Variants in MIPEP observed in about 807,000 individuals in gnomAD.
The protein encoded by MIPEP is mitochondrial intermediate peptidase.
A neutral mutation model predicts 90.3 loss-of-function variants in MIPEP; 79 were observed. That is an observed-to-expected ratio of 0.87 (90% CI 0.73 to 1.05). MIPEP has a LOEUF of 1.05. MIPEP is among the 50% of genes least tolerant of loss of function. The probability of loss-of-function intolerance (pLI) is 0.00; values close to 1 mark genes in which losing one functional copy is unlikely to be tolerated. For synonymous variants in MIPEP, 334 were observed against 315.8 expected (o/e 1.06, Z -0.61); for missense variants, 940 against 905.6 (o/e 1.04, Z -0.49).
intron 4 of MIPEP, among the ~76,000 whole-genome samples, chr13:23,876,306 G>A (rs911392464): frequency 6.6e-6 from 1 of 152,194 alleles, no homozygotes; most frequent in Non-Finnish European, 1.5e-5. Flanking sequence ...CAGGTACAGA[G>A]CAGAGCACTT....
At chr13:23,836,501 A>G (rs1217163954) in intron 13 of MIPEP, 152 bp from the exon 14 acceptor site, 2 of 490,354 alleles carry the variant, frequency 4.1e-6, no homozygotes, top group Non-Finnish European at 3.5e-6. Flanking sequence ...TTTATTGTAC[A>G]TATTTGCAGA....
intron 18 of MIPEP, among the ~76,000 whole-genome samples, chr13:23,734,733 G>A (rs9553041): frequency 0.18 from 27,921 of 151,812 alleles, 3,104 homozygotes; most frequent in East Asian, 0.42. Context: ...CCCATTCGAC[G>A]CCCCTTTCCA....
At chr13:23,765,944 C>G (rs1486619033) in intron 16 of MIPEP, 1 of 152,092 alleles carries the variant, frequency 6.6e-6, no homozygotes, top group African/African-American at 2.4e-5. Flanking sequence ...AATACATTGA[C>G]TATATACCAA....
chr13:23,865,868 A>G (rs896730149), intron 7 of MIPEP, among the ~76,000 whole-genome samples: 1 of 151,976 alleles, frequency 6.6e-6, no homozygotes, highest in Non-Finnish European at 1.5e-5. Context: ...ATGGGGTTTC[A>G]CCATGTTGGC....
In MIPEP at chr13:23,848,922, G is replaced by C. The variant is rs61945108; in HGVS notation, c.1107-7434C>G. Among the ~76,000 whole-genome samples, 1,206 of 152,300 alleles carry C rather than the reference G, an allele frequency of 7.9e-3. 12 individuals are homozygous for C. Among genetic ancestry groups the C allele is most frequent in the Non-Finnish European group, 0.014 (967 of 68,024 alleles). On this transcript the variant is annotated intron_variant, in intron 10 of 18. Coordinates refer to ENST00000382172, the MANE Select transcript of MIPEP (RefSeq NM_005932.4). ...GTGGAAGAGATTCAAAAAGCTACAGGGTGTTTCCCGCAGCTCCAACCCACA... is the reference window on the plus strand; with the variant it reads ...GTGGAAGAGATTCAAAAAGCTACAGCGTGTTTCCCGCAGCTCCAACCCACA...
At chr13:23,828,235 G>A (rs1593176874) in intron 14 of MIPEP, among the ~76,000 whole-genome samples, 2 of 152,104 alleles carry the variant, frequency 1.3e-5, no homozygotes, top group South Asian at 2.1e-4. Context: ...CTTTCTTTAC[G>A]GTGACGTATT....
intron 14 of MIPEP, among the ~76,000 whole-genome samples, chr13:23,825,497 T>C (rs982345600): frequency 1.3e-5 from 2 of 152,208 alleles, no homozygotes; most frequent in African/African-American, 4.8e-5. Flanking sequence ...ATGAAAGCAC[T>C]AGAATGTTAC....
chr13:23,860,302 G>C (rs1870233345), intron 9 of MIPEP, among the ~76,000 whole-genome samples: 1 of 152,234 alleles, frequency 6.6e-6, no homozygotes, highest in Non-Finnish European at 1.5e-5. Flanking sequence ...AGGCATTCCT[G>C]TAGGTGGTGT....
chr13:23,824,873 G>A (rs934979416), intron 14 of MIPEP, among the ~76,000 whole-genome samples: 1 of 152,138 alleles, frequency 6.6e-6, no homozygotes, highest in African/African-American at 2.4e-5. Flanking sequence ...CTTTATCACA[G>A]ACCCACCGAT....
intron 16 of MIPEP, among the ~76,000 whole-genome samples, chr13:23,797,809 T>C (rs1423409494): frequency 6.6e-6 from 1 of 152,232 alleles, no homozygotes; most frequent in African/African-American, 2.4e-5. Context: ...TCGGTATTAG[T>C]TGTATACGCA....
At chr13:23,746,043 T>C (rs2138496238) in intron 18 of MIPEP, among the ~76,000 whole-genome samples, 1 of 150,212 alleles carries the variant, frequency 6.7e-6, no homozygotes, top group Admixed American at 6.6e-5. Flanking sequence ...AGACAGCGTT[T>C]CACTCTTGTC....
At chr13:23,756,165 T>C (rs184138944) in intron 18 of MIPEP, among the ~76,000 whole-genome samples, 2 of 152,344 alleles carry the variant, frequency 1.3e-5, no homozygotes, top group Non-Finnish European at 2.9e-5. Context: ...TATTTATTTA[T>C]TGTTTTGAGA....
At position 23,760,789 on chromosome 13, in the gene MIPEP, T is replaced by C. The variant is rs776081619; in HGVS notation, c.1849-572A>G. ...ACATAAATATAATCATATATAGATG[T>C]ATATGTTTTGCTCCAAATATATGGC... On this transcript the variant is annotated intron_variant, in intron 16 of 18. Transcript: ENST00000382172. 9.2e-5 allele frequency among the ~76,000 whole-genome samples: 14 copies of C among 152,250 alleles called. 1 individual carries two copies. The highest frequency in any genetic ancestry group is 1.3e-4 in the Non-Finnish European group (9 of 68,044).
chr13:23,851,527 G>C (rs1428332886), intron 10 of MIPEP, among the ~76,000 whole-genome samples: 1 of 152,106 alleles, frequency 6.6e-6, no homozygotes, highest in Non-Finnish European at 1.5e-5. Context: ...AAATGACTGA[G>C]GAAAAACTGG....
At chr13:23,881,436 G>A (rs1314239815) in intron 3 of MIPEP, among the ~76,000 whole-genome samples, 3 of 152,214 alleles carry the variant, frequency 2.0e-5, no homozygotes, top group South Asian at 4.1e-4. Flanking sequence ...CAAGGACCCT[G>A]AGGCAGGGTT....
intron 18 of MIPEP, among the ~76,000 whole-genome samples, chr13:23,740,267 T>C (rs1952312234): frequency 6.6e-6 from 1 of 152,162 alleles, no homozygotes; most frequent in Non-Finnish European, 1.5e-5. Context: ...AGATGTGTTC[T>C]TCCAGGATTG....
intron 17 of MIPEP, among the ~76,000 whole-genome samples, chr13:23,758,597 G>A (rs1952509479): frequency 6.6e-6 from 1 of 152,192 alleles, no homozygotes; most frequent in Non-Finnish European, 1.5e-5. Flanking sequence ...CTGATGTCAA[G>A]TTTGGCTAAA....
intron 17 of MIPEP, among the ~76,000 whole-genome samples, chr13:23,757,525 T>G (rs1254428078): frequency 1.3e-5 from 2 of 152,194 alleles, no homozygotes; most frequent in African/African-American, 4.8e-5. Flanking sequence ...AGAAATAATT[T>G]GTGATGGCAC....
chr13:23,859,426 A>C (rs542321558), intron 9 of MIPEP, among the ~76,000 whole-genome samples: 9 of 152,356 alleles, frequency 5.9e-5, no homozygotes, highest in Non-Finnish European at 1.3e-4. Flanking sequence ...AAGAAGTACT[A>C]TAGTACTAGT....
Sources: gnomAD v4.1 joint callset for allele counts (sites outside exome capture counted in the v4.1 genomes callset) on GRCh38, gnomAD v4.1.1 for gene constraint, MANE v1.5 for transcripts, NCBI Gene and HGNC (gene_info 2026-07-23, HGNC 2026-07-21) for gene names.